The following TMC6 variants were observed in gnomAD, a reference collection of about 807,000 sequenced individuals.
The protein encoded by TMC6 is transmembrane channel like 6.
In TMC6, 71 loss-of-function variants were observed where a neutral mutation model predicts 95.4. The observed-to-expected ratio is 0.74, with a 90% CI of 0.61 to 0.91. The LOEUF is 0.91. Among genes scored for constraint, TMC6 ranks in the 40% least tolerant of loss-of-function variants. TMC6 has a pLI of 0.00. For synonymous variants in TMC6, 514 were observed against 483.1 expected (o/e 1.06, Z -0.84); for missense variants, 1,074 against 1,079.1 (o/e 1.00, Z 0.07).
In TMC6 at chr17:78,124,567, C is replaced by T; in HGVS notation, c.848G>A (p.Gly283Asp). The T allele has an allele frequency of 6.2e-7, 1 of 1,612,026 alleles. No individual in the cohort carries two copies. The highest frequency in any genetic ancestry group is 1.1e-5 in the South Asian group (1 of 91,038). ...PQVAFPPALP[G>D]PAPVCTGLEL... The stretch of plus-strand genomic sequence containing the variant: ...CAGGCCTGTGCAGACGGGGGCAGGG[C>T]CCGGCAGGGCGGGTGGGAAGGCGAC... Residue 283 changes from glycine (G) to aspartate (D), a missense_variant, in exon 8 of 20, where the codon GGC (glycine) becomes GAC (aspartate). Physicochemically the swap from Gly to Asp is moderately conservative, Grantham distance 94. Transcript: ENST00000590602.
In TMC6 at chr17:78,121,012, C is replaced by A; in HGVS notation, c.1535+1G>T. The stretch of plus-strand genomic sequence containing the variant: ...TGATGTTTTCATGTGCGGCCACACA[C>A]CTGCAGATGGCCACGTACACCTCCA... On this transcript the variant is annotated splice_donor_variant, in intron 12 of 19. Transcript: ENST00000590602. LOFTEE classifies it high-confidence loss of function. The surrounding 1 kb of genome is among the most constrained non-coding windows in gnomAD (Gnocchi z 5.6). 1 of 1,613,354 alleles carries A rather than the reference C, an allele frequency of 6.2e-7. No homozygotes were observed. The highest frequency in any genetic ancestry group is 2.2e-5 in the East Asian group (1 of 44,886).
chr17:78,117,504 T>G lies in TMC6; in HGVS notation c.2162A>C (p.Asn721Thr), dbSNP rs781552554. The change falls in exon 17 of 20, where the codon AAC (asparagine) becomes ACC (threonine). Residue 721 changes from asparagine to threonine, a missense_variant. Asn to Thr is a moderately conservative substitution (Grantham distance 65). Transcript: ENST00000590602. ...LPWVHRYLME[N>T]TFFVFLVSAL... ...TGACACCAGGAAGACAAAGAAGGTG[T>G]TTTCCATCAGGTACCGGTGCACCCA... 9.9e-5 allele frequency: 159 copies of G among 1,608,164 alleles called. No homozygotes were observed. Among genetic ancestry groups the G allele is most frequent in the Non-Finnish European group, 1.3e-4 (148 of 1,178,654 alleles).
Position 78,124,504 on chromosome 17 carries a change from C to T in TMC6, c.891+20G>A, listed in dbSNP as rs761223337. 1.9e-6 allele frequency: 3 copies of T among 1,606,734 alleles called. No homozygotes were observed. In the South Asian group the frequency reaches 3.3e-5, roughly 18 times the overall value. On this transcript the variant is annotated intron_variant, in intron 8 of 19. Transcript: ENST00000590602. ...CAGAAGACAGGCACCCCCCGTCCCC[C>T]AGTCCTAGGGCTTCCTCACCGCGCC...
In TMC6 at chr17:78,113,075, C is replaced by T; in HGVS notation, c.*73G>A. ...AACTGTCTTCCTTGTCCTGGTGTCC[C>T]AGCAGGGTCACTGGGAGGCAACAGT... On this transcript the variant is annotated 3_prime_UTR_variant, in exon 20 of 20. Coordinates refer to ENST00000590602, the MANE Select transcript of TMC6 (RefSeq NM_001127198.5). 1 of 1,517,874 alleles carries T rather than the reference C, an allele frequency of 6.6e-7. No homozygotes were observed. The highest frequency in any genetic ancestry group is 8.9e-7 in the Non-Finnish European group (1 of 1,117,812). 94.0% of individuals were successfully genotyped at this position (1,517,874 alleles called of 1,614,324 possible).
At chr17:78,119,737 C>G in intron 13 of TMC6, 1 of 404,366 alleles carries the variant, frequency 2.5e-6, no homozygotes, top group Non-Finnish European at 4.7e-6. Flanking sequence ...TGGGATCAAG[C>G]AGTCCTCCCA....
rs1435607910 is a variant in TMC6 at position 78,108,081 on chromosome 17, T to C, written c.*5067A>G. 6.6e-6 allele frequency: 1 copy of C among 152,176 alleles called. No homozygotes were observed. Among genetic ancestry groups the C allele is most frequent in the African/African-American group, 2.4e-5 (1 of 41,424 alleles). The allele number at this position is 152,176 out of a possible 1,614,324, so 9.4% of individuals were successfully genotyped here. A position where few individuals can be genotyped will look rare whatever the true frequency, so the allele number is the denominator to read the frequency against. ...ACCAGTCAGTGCCACCGGGTTGGCA[T>C]TGGTGTTACAGACAGGCCTCTGAAG... On this transcript the variant is annotated 3_prime_UTR_variant, in exon 20 of 20. Transcript: ENST00000590602.
At chr17:78,116,519 C>T (rs201461750) in intron 18 of TMC6, among the ~76,000 whole-genome samples, 1 of 152,118 alleles carries the variant, frequency 6.6e-6, no homozygotes, top group African/African-American at 2.4e-5. Flanking sequence ...GCCATTCTCC[C>T]ACCTTGGCCT....
intron 9 of TMC6, chr17:78,123,271 C>A (rs984731615): frequency 1.1e-5 from 3 of 266,598 alleles, no homozygotes; most frequent in African/African-American, 4.4e-5. Flanking sequence ...AGCAAGCCCC[C>A]CTAGGACATT....
chr17:78,120,493 A>G (rs1457607915), intron 13 of TMC6, 160 bp downstream of exon 13: 10 of 1,150,458 alleles, frequency 8.7e-6, no homozygotes, highest in Non-Finnish European at 1.3e-5. Flanking sequence ...TTTCCTTTCC[A>G]ATCTAAAAAT....
rs1444238869 is a variant in TMC6 at position 78,126,822 on chromosome 17, G to A, written c.11C>T (p.Pro4Leu). MAQ[P>L]LAFILDVPET... ...AGGGACATCGAGGATGAAGGCCAGT[G>A]GCTGGGCCATGTCTCTGGCCAATGC... Residue 4 changes from proline (P) to leucine (L), a missense_variant, in exon 2 of 20, where the codon CCA becomes CTA. Coordinates refer to ENST00000590602, the MANE Select transcript of TMC6 (RefSeq NM_001127198.5). 1 of 1,612,690 alleles carries A rather than the reference G, an allele frequency of 6.2e-7. No individual in the cohort carries two copies. Among genetic ancestry groups the A allele is most frequent in the South Asian group, 1.1e-5 (1 of 91,026 alleles).
At chr17:78,119,604 A>G (rs779165276) in intron 13 of TMC6, among the ~76,000 whole-genome samples, 4 of 152,182 alleles carry the variant, frequency 2.6e-5, no homozygotes, top group Non-Finnish European at 4.4e-5. Flanking sequence ...ATACACCCGG[A>G]GTTAAACAAG....
chr17:78,117,976 C>T (rs1598838236), intron 15 of TMC6, 41 bp from the exon 16 acceptor site: 1 of 1,573,260 alleles, frequency 6.4e-7, no homozygotes, highest in Non-Finnish European at 8.6e-7. Flanking sequence ...CCTGCTACCC[C>T]TCAGCACCCC....
chr17:78,132,275 G>A (rs931613301), upstream of TMC6: 2 of 1,545,246 alleles, frequency 1.3e-6, no homozygotes, highest in Non-Finnish European at 1.8e-6. Flanking sequence ...ACCCCACGCC[G>A]TCCGGTGGGC....
chr17:78,132,198 C>A, upstream of TMC6: 1 of 1,369,574 alleles, frequency 7.3e-7, no homozygotes, highest in Non-Finnish European at 1.0e-6. Context: ...AACCTCGGGC[C>A]CACGCAGCAC....
chr17:78,112,994 G>A lies in TMC6; in HGVS notation c.*154C>T, dbSNP rs1008442042. The A allele has an allele frequency of 2.2e-5, 18 of 824,586 alleles. No homozygotes were observed. The highest frequency in any genetic ancestry group is 3.3e-5 in the Non-Finnish European group (17 of 511,840). 51.1% of individuals were successfully genotyped at this position (824,586 alleles called of 1,614,324 possible). A position where few individuals can be genotyped will look rare whatever the true frequency, so the allele number is the denominator to read the frequency against. On this transcript the variant is annotated 3_prime_UTR_variant, in exon 20 of 20. Coordinates refer to ENST00000590602, the MANE Select transcript of TMC6 (RefSeq NM_001127198.5). ...GAGTTCATTGGGGATGCCCAAGCCGGATTCACCCACCCTTCCAGCTCCAGC... is the reference window on the plus strand; with the variant it reads ...GAGTTCATTGGGGATGCCCAAGCCGAATTCACCCACCCTTCCAGCTCCAGC...
chr17:78,129,115 CG>C (rs143548653), upstream of TMC6, among the ~76,000 whole-genome samples: 6,351 of 68,060 alleles, frequency 0.093, 251 homozygotes, highest in Middle Eastern at 0.22. The surrounding 1 kb of genome is among the most constrained non-coding windows in gnomAD (Gnocchi z 4.3). Context: ...GATTGGGCAG[CG>C]CCCCCCCCCC....
chr17:78,124,833 G>A (rs2074616252), intron 7 of TMC6, 52 bp from the exon 8 acceptor site: 1 of 1,578,658 alleles, frequency 6.3e-7, no homozygotes, highest in South Asian at 1.1e-5. Context: ...GAGGCACTGA[G>A]GCCACCCCAG....
At chr17:78,128,968 C>T (rs1207030316), upstream of TMC6, among the ~76,000 whole-genome samples, 1 of 152,126 alleles carries the variant, frequency 6.6e-6, no homozygotes, top group Non-Finnish European at 1.5e-5. The surrounding 1 kb of genome is among the most constrained non-coding windows in gnomAD (Gnocchi z 4.0). Context: ...TGGTTGAAGT[C>T]CCCAATTTTT....
chr17:78,124,575 G>A lies in TMC6; in HGVS notation c.840C>T (p.Ala280=). 1 of 1,612,262 alleles carries A rather than the reference G, an allele frequency of 6.2e-7. No homozygotes were observed. The highest frequency in any genetic ancestry group is 8.5e-7 in the Non-Finnish European group (1 of 1,179,826). The change falls in exon 8 of 20, where the codon GCC becomes GCT. Residue 280 remains alanine (A), a synonymous_variant. Transcript: ENST00000590602. ...IMGPQVAFPP[A]LPGPAPVCTG... ...TGCAGACGGGGGCAGGGCCCGGCAG[G>A]GCGGGTGGGAAGGCGACCTGAGGGC...
Sources: gnomAD v4.1 joint callset for allele counts (sites outside exome capture counted in the v4.1 genomes callset) on GRCh38, gnomAD v4.1.1 for gene constraint, Gnocchi (gnomAD v3.1) non-coding constraint, MANE v1.5 for transcripts, NCBI Gene and HGNC (gene_info 2026-07-23, HGNC 2026-07-21) for gene names.